Variants in ZFYVE28 observed in about 807,000 individuals in gnomAD.
ZFYVE28 encodes the protein zinc finger FYVE-type containing 28.
A neutral mutation model predicts 82.1 loss-of-function variants in ZFYVE28; 40 were observed. That is an observed-to-expected ratio of 0.49 (90% CI 0.38 to 0.63). The LOEUF (loss-of-function observed/expected upper bound fraction) is 0.63, where lower values mean the gene tolerates loss of function less well. Among genes scored for constraint, ZFYVE28 ranks in the 30% least tolerant of loss-of-function variants. The pLI, the probability that ZFYVE28 is intolerant of heterozygous loss-of-function variation, is 0.00. For missense variants in ZFYVE28, 1,321 were observed against 1,242.1 expected (o/e 1.06, Z -0.96); for synonymous variants, 612 against 546.1 (o/e 1.12, Z -1.68).
intron 1 of ZFYVE28, among the ~76,000 whole-genome samples, chr4:2,396,990 G>A (rs1265436755): frequency 6.6e-6 from 1 of 152,216 alleles, no homozygotes; most frequent in East Asian, 1.9e-4. Flanking sequence ...GGGCAGGACA[G>A]GAGCCAGGGC....
At chr4:2,373,966 C>T (rs1244801865) in intron 1 of ZFYVE28, among the ~76,000 whole-genome samples, 11 of 152,328 alleles carry the variant, frequency 7.2e-5, no homozygotes, top group African/African-American at 2.6e-4. Context: ...TCTCTCCCAG[C>T]CCCTGGCTCT....
intron 2 of ZFYVE28, among the ~76,000 whole-genome samples, chr4:2,346,658 G>A (rs986425710): frequency 3.3e-5 from 5 of 152,112 alleles, no homozygotes; most frequent in Non-Finnish European, 5.9e-5. Context: ...TACTCTATGT[G>A]AAATTGTACA....
chr4:2,359,497 C>A (rs1725817082), intron 1 of ZFYVE28, among the ~76,000 whole-genome samples: 1 of 152,100 alleles, frequency 6.6e-6, no homozygotes, highest in Non-Finnish European at 1.5e-5. Flanking sequence ...TCCAATATAC[C>A]TGGTGTCCTT....
chr4:2,364,380 C>A, intron 1 of ZFYVE28: 1 of 951,200 alleles, frequency 1.1e-6, no homozygotes, highest in Non-Finnish European at 1.3e-6. Flanking sequence ...ACTGAACGCC[C>A]TGCCCGCCCC....
intron 1 of ZFYVE28, among the ~76,000 whole-genome samples, chr4:2,400,027 C>T (rs984907001): frequency 5.3e-5 from 8 of 152,234 alleles, no homozygotes; most frequent in Non-Finnish European, 1.0e-4. Flanking sequence ...GACAGCCCCA[C>T]GGCCGCTTCA....
chr4:2,325,431 C>T (rs184514582), intron 6 of ZFYVE28, among the ~76,000 whole-genome samples: 115 of 150,792 alleles, frequency 7.6e-4, no homozygotes, highest in African/African-American at 2.4e-3. Context: ...TCACTCTAAC[C>T]TATATCTGCT....
rs141242318 is a variant in ZFYVE28 at position 2,305,451 on chromosome 4, G to C, written c.889C>G (p.Arg297Gly). The change falls in exon 8 of 13, where the codon CGC becomes GGC. Residue 297 changes from arginine (R) to glycine (G), a missense_variant. Arg to Gly is a moderately radical substitution (Grantham distance 125). Transcript: ENST00000290974. ...GCAGCGGGTCCCTGCACGTCTGCGC[G>C]GATGGGGAACTCCACGTCTTGGGAA... is the stretch of plus-strand genomic sequence containing the variant. ...CISQDVEFPI[R>G]ADVQGPAALA... 1,276 of 1,612,954 alleles carry C rather than the reference G, an allele frequency of 7.9e-4. 3 individuals carry two copies. The highest frequency in any genetic ancestry group is 1.0e-3 in the Non-Finnish European group (1,189 of 1,180,018).
rs1202018479 is a variant in ZFYVE28, at chr4:2,409,879, T to C, written c.39+8406A>G. On this transcript the variant is annotated intron_variant, in intron 1 of 12. Transcript: ENST00000290974. This position sits in a 1 kb window ranked among gnomAD's most constrained non-coding sequence, Gnocchi z 4.4. Reference sequence around the variant, plus strand: ...GAGAGGCTGGGCTGGGACTTGAGGATCCATCTTCAGAGACCAGGAAGATGC... The same window carrying C: ...GAGAGGCTGGGCTGGGACTTGAGGACCCATCTTCAGAGACCAGGAAGATGC... Among the ~76,000 whole-genome samples the C allele has an allele frequency of 6.6e-6, 1 of 152,196 alleles. No homozygotes were observed. The highest frequency in any genetic ancestry group is 1.9e-4 in the East Asian group (1 of 5,194).
At chr4:2,370,061 G>A (rs1344899305) in intron 1 of ZFYVE28, among the ~76,000 whole-genome samples, 1 of 151,696 alleles carries the variant, frequency 6.6e-6, no homozygotes, top group Non-Finnish European at 1.5e-5. Flanking sequence ...TGTTGGCCAG[G>A]ATGGTCTTGA....
At chr4:2,293,918 T>C (rs1010553786) in intron 8 of ZFYVE28, among the ~76,000 whole-genome samples, 4 of 152,124 alleles carry the variant, frequency 2.6e-5, no homozygotes, top group African/African-American at 4.8e-5. Context: ...GCAAGACCTG[T>C]ACAGTTAAAA....
chr4:2,370,555 C>T (rs1039581495), intron 1 of ZFYVE28, among the ~76,000 whole-genome samples: 7 of 152,150 alleles, frequency 4.6e-5, no homozygotes, highest in African/African-American at 1.7e-4. Context: ...GGTGGGACAC[C>T]GGCAGGACAG....
intron 8 of ZFYVE28, among the ~76,000 whole-genome samples, chr4:2,282,884 C>G (rs1487966888): frequency 6.7e-6 from 1 of 150,146 alleles, no homozygotes; most frequent in Non-Finnish European, 1.5e-5. Context: ...TCAAGGCTAG[C>G]CTGCGTAACA....
intron 1 of ZFYVE28, among the ~76,000 whole-genome samples, chr4:2,384,985 C>T (rs923336365): frequency 6.6e-6 from 1 of 151,924 alleles, no homozygotes; most frequent in Admixed American, 6.6e-5. Context: ...CAATCCTGTA[C>T]ACCCTCAAGG....
intron 10 of ZFYVE28, 39 bp from the exon 11 acceptor site, chr4:2,271,818 G>A (rs1298013636): frequency 1.9e-6 from 3 of 1,590,166 alleles, no homozygotes; most frequent in East Asian, 2.2e-5. Context: ...TGGTGAGGGA[G>A]GCGGGCAATT....
chr4:2,299,838 C>G (rs1715239027), intron 8 of ZFYVE28, among the ~76,000 whole-genome samples: 1 of 151,488 alleles, frequency 6.6e-6, no homozygotes, highest in African/African-American at 2.4e-5. Context: ...ACTCTGTCAC[C>G]CAGGCTGCAG....
intron 1 of ZFYVE28, among the ~76,000 whole-genome samples, chr4:2,413,611 G>C (rs1238963667): frequency 1.3e-5 from 2 of 152,228 alleles, no homozygotes; most frequent in Non-Finnish European, 2.9e-5. Context: ...GCTCACCTCA[G>C]AGAGAAACGT....
intron 4 of ZFYVE28, 117 bp from the exon 5 acceptor site, chr4:2,337,613 G>A (rs1722051300): frequency 6.7e-6 from 5 of 743,290 alleles, no homozygotes; most frequent in African/African-American, 1.8e-5. Context: ...GGGGCGGGGG[G>A]CCTCACGCCT....
chr4:2,330,791 G>A, intron 6 of ZFYVE28: 1 of 1,527,820 alleles, frequency 6.5e-7, no homozygotes, highest in Non-Finnish European at 8.7e-7. Context: ...CAGTCAAGGG[G>A]ACCCTGAGCG....
In ZFYVE28 at chr4:2,339,406, G is replaced by A. The variant is rs374214203; in HGVS notation, c.521+47C>T. ...GTGAGCCCCGGAAGCTGGCACAACC[G>A]TCCCCCAGCTCATACAGCCAGGGCT... On this transcript the variant is annotated intron_variant, in intron 4 of 12. Transcript: ENST00000290974. The surrounding 1 kb of genome is among the most constrained non-coding windows in gnomAD (Gnocchi z 5.0). 132 of 1,579,622 alleles carry A rather than the reference G, an allele frequency of 8.4e-5. 1 individual carries two copies. The highest frequency in any genetic ancestry group is 4.3e-4 in the South Asian group (38 of 87,458).
Sources: allele counts gnomAD v4.1 joint callset (sites outside exome capture counted in the v4.1 genomes callset), GRCh38; gene constraint gnomAD v4.1.1; non-coding constraint Gnocchi (gnomAD v3.1); transcripts MANE v1.5; gene names NCBI Gene and HGNC (gene_info 2026-07-23, HGNC 2026-07-21).